The following SYNJ1 variants were observed in gnomAD, a reference collection of about 807,000 sequenced individuals.
SYNJ1 encodes polyphosphatidylinositol phosphatase SYNJ1.
Under a neutral mutation model 168.2 loss-of-function variants are expected in SYNJ1, and 78 were observed. The observed-to-expected ratio is 0.46, with a 90% CI of 0.39 to 0.56. The LOEUF (loss-of-function observed/expected upper bound fraction) is 0.56, where lower values mean the gene tolerates loss of function less well. Among genes scored for constraint, SYNJ1 ranks in the 20% least tolerant of loss-of-function variants. The pLI is 0.00. For missense variants in SYNJ1, 1,303 were observed against 1,597.6 expected (o/e 0.82, Z 3.14); for synonymous variants, 539 against 548.6 (o/e 0.98, Z 0.24).
Position 32,666,452 on chromosome 21 carries a change from G to T in SYNJ1, c.1933C>A (p.Gln645Lys). 6.2e-7 allele frequency: 1 copy of T among 1,614,070 alleles called. No homozygotes were observed. The highest frequency in any genetic ancestry group is 1.7e-5 in the Admixed American group (1 of 60,018). ...GVCLFVFIRP[Q>K]HAPFIRDVAV... Reference sequence around the variant, plus strand: ...ACTGACCTGATAAAAGGAGCATGCTGTGGTCTGATAAAAACAAACAAACAG... The same window carrying T: ...ACTGACCTGATAAAAGGAGCATGCTTTGGTCTGATAAAAACAAACAAACAG... Residue 645 changes from glutamine (Q) to lysine (K), a missense_variant, in exon 16 of 33, where the codon CAG (glutamine) becomes AAG (lysine). Gln to Lys is a moderately conservative substitution (Grantham distance 53, BLOSUM62 1). Coordinates refer to ENST00000674351, the MANE Select transcript of SYNJ1 (RefSeq NM_203446.3).
intron 31 of SYNJ1, among the ~76,000 whole-genome samples, chr21:32,635,495 G>C (rs1473933420): frequency 6.6e-6 from 1 of 152,152 alleles, no homozygotes; most frequent in Non-Finnish European, 1.5e-5. Flanking sequence ...CTGGCACCCT[G>C]ATCTCAGACT....
chr21:32,714,988 C>T lies in SYNJ1; in HGVS notation c.124+11784G>A, dbSNP rs184216415. Among the ~76,000 whole-genome samples the T allele has an allele frequency of 2.9e-3, 436 of 152,266 alleles. 2 individuals carry two copies. Among genetic ancestry groups the T allele is most frequent in the African/African-American group, 9.7e-3 (402 of 41,552 alleles). ...TTCAACCCAGCTCTCATCAATCCTA[C>T]GTCACTTTGCCACAACTAAAAATCT... On this transcript the variant is annotated intron_variant, in intron 2 of 32. Coordinates refer to ENST00000674351, the MANE Select transcript of SYNJ1 (RefSeq NM_203446.3).
intron 18 of SYNJ1, 84 bp from the exon 19 acceptor site, chr21:32,657,956 A>G (rs1334234709): frequency 4.7e-6 from 5 of 1,072,198 alleles, no homozygotes; most frequent in South Asian, 3.0e-5. Flanking sequence ...TTAAATGTCT[A>G]TTACATGCTG....
At position 32,666,556 on chromosome 21, in the gene SYNJ1, A is replaced by G; in HGVS notation, c.1829T>C (p.Leu610Pro). Residue 610 changes from leucine (L) to proline (P), a missense_variant, in exon 16 of 33, where the codon CTC (leucine) becomes CCC (proline). Around this residue, in one of 2 missense-constraint regions of SYNJ1, gnomAD observed 920 missense variants for 1,208.8 expected, o/e 0.76. Transcript: ENST00000674351. ...IVSASTTNQK[L>P]WAVELQKTIS... ...TGTCTTCTGAAGTTCTACAGCCCAG[A>G]GCTTCTGATTTGTTGTGCTACAAGA... The G allele has an allele frequency of 6.2e-7, 1 of 1,612,386 alleles. No homozygotes were observed. The highest frequency in any genetic ancestry group is 8.5e-7 in the Non-Finnish European group (1 of 1,179,554).
intron 5 of SYNJ1, 151 bp downstream of exon 5, chr21:32,694,906 C>CT: frequency 1.2e-6 from 1 of 833,384 alleles, no homozygotes; most frequent in South Asian, 2.4e-5. Flanking sequence ...TTAGGGAAGC[C>CT]TTTTTTTAAG....
intron 2 of SYNJ1, among the ~76,000 whole-genome samples, chr21:32,705,994 A>G (rs1259890270): frequency 1.3e-5 from 2 of 152,030 alleles, no homozygotes; most frequent in Non-Finnish European, 2.9e-5. Flanking sequence ...CTCAACAACA[A>G]CAGCAAACCA....
intron 11 of SYNJ1, among the ~76,000 whole-genome samples, chr21:32,680,021 T>C (rs1181044989): frequency 6.6e-6 from 1 of 151,978 alleles, no homozygotes; most frequent in Non-Finnish European, 1.5e-5. Context: ...AATGAAAAGG[T>C]AGAAGTATAT....
chr21:32,721,084 A>C (rs2043203141), intron 2 of SYNJ1, among the ~76,000 whole-genome samples: 1 of 152,222 alleles, frequency 6.6e-6, no homozygotes, highest in Admixed American at 6.5e-5. Flanking sequence ...GTTTCCAGGA[A>C]AAAAATATGT....
chr21:32,629,308 A>G lies in SYNJ1; in HGVS notation c.*2497T>C, dbSNP rs1176439106. ...TTCACATTTTGAAGCAACTGCTTAT[A>G]GTAATACTGCTGTTTAAGACGCTAC... On this transcript the variant is annotated 3_prime_UTR_variant, in exon 33 of 33. Transcript: ENST00000674351. 6.5e-6 allele frequency: 1 copy of G among 152,682 alleles called. No individual in the cohort carries two copies. Among genetic ancestry groups the G allele is most frequent in the African/African-American group, 2.4e-5 (1 of 41,472 alleles). 9.5% of individuals were successfully genotyped at this position (152,682 alleles called of 1,614,324 possible). A position where few individuals can be genotyped will look rare whatever the true frequency, so the allele number is the denominator to read the frequency against.
At chr21:32,638,815 A>T in intron 31 of SYNJ1, 93 bp downstream of exon 31, 1 of 1,207,560 alleles carries the variant, frequency 8.3e-7, no homozygotes, top group Non-Finnish European at 1.1e-6. Context: ...ATTTATTTTT[A>T]CTTCTTATAA....
At chr21:32,642,257 A>C in intron 27 of SYNJ1, 124 bp from the exon 28 acceptor site, 1 of 1,027,444 alleles carries the variant, frequency 9.7e-7, no homozygotes, top group Non-Finnish European at 1.5e-6. Flanking sequence ...GTAACAAAAC[A>C]AAGCACTTTG....
intron 10 of SYNJ1, among the ~76,000 whole-genome samples, chr21:32,683,026 G>T (rs1393833263): frequency 6.6e-6 from 1 of 152,078 alleles, no homozygotes; most frequent in Non-Finnish European, 1.5e-5. Context: ...TTCTGTAGTA[G>T]AGAATTTTAT....
intron 22 of SYNJ1, 108 bp downstream of exon 22, chr21:32,653,180 T>C: frequency 1.2e-6 from 1 of 833,064 alleles, no homozygotes; most frequent in Non-Finnish European, 1.9e-6. Context: ...TACCATAAGG[T>C]CTTTTCCCCT....
At chr21:32,694,732 C>G (rs1049182469) in intron 5 of SYNJ1, among the ~76,000 whole-genome samples, 5 of 152,040 alleles carry the variant, frequency 3.3e-5, no homozygotes, top group Non-Finnish European at 7.4e-5. Flanking sequence ...CCATTAAGAG[C>G]TGGGTTTAAT....
chr21:32,700,871 TG>T (rs1021378598), intron 3 of SYNJ1, among the ~76,000 whole-genome samples: 225 of 152,352 alleles, frequency 1.5e-3, no homozygotes, highest in African/African-American at 4.8e-3. Flanking sequence ...CAAAAGTCTC[TG>T]GTAACAACTT....
At chr21:32,675,175 A>G (rs1359178503) in intron 13 of SYNJ1, among the ~76,000 whole-genome samples, 1 of 152,232 alleles carries the variant, frequency 6.6e-6, no homozygotes, top group Non-Finnish European at 1.5e-5. Context: ...CATAGTGTCT[A>G]TAATCCATTC....
intron 6 of SYNJ1, among the ~76,000 whole-genome samples, chr21:32,690,243 CTG>C (rs1278179550): frequency 6.6e-6 from 1 of 152,222 alleles, no homozygotes. Context: ...GGGTCTCACT[CTG>C]TAACCATGCT....
chr21:32,662,096 G>T (rs1314583600), intron 18 of SYNJ1, among the ~76,000 whole-genome samples: 1 of 152,130 alleles, frequency 6.6e-6, no homozygotes, highest in South Asian at 2.1e-4. Flanking sequence ...CACCACAGCC[G>T]TGTGAAACCT....
chr21:32,672,178 C>G (rs1363883484), intron 14 of SYNJ1, among the ~76,000 whole-genome samples: 1 of 146,470 alleles, frequency 6.8e-6, no homozygotes, highest in African/African-American at 2.5e-5. Context: ...TGAAAAATAA[C>G]TAAAAAAGAA....
Sources: gnomAD v4.1 joint callset for allele counts (sites outside exome capture counted in the v4.1 genomes callset) on GRCh38, gnomAD v4.1.1 for gene constraint, gnomAD v4.1.1 regional missense constraint, MANE v1.5 for transcripts, NCBI Gene and HGNC (gene_info 2026-07-23, HGNC 2026-07-21) for gene names.